Variants in CCSER1 observed in about 807,000 individuals in gnomAD.
The protein encoded by CCSER1 is serine-rich coiled-coil domain-containing protein 1.
CCSER1 carries 41 observed loss-of-function variants against 82.0 expected under a neutral mutation model. The observed-to-expected ratio is 0.50, with a 90% CI of 0.39 to 0.65. The LOEUF (loss-of-function observed/expected upper bound fraction) is 0.65. Among genes scored for constraint, CCSER1 ranks in the 30% least tolerant of loss-of-function variants. The pLI is 0.00. For missense variants in CCSER1, 1,119 were observed against 1,064.2 expected (o/e 1.05, Z -0.72); for synonymous variants, 414 against 383.9 (o/e 1.08, Z -0.92).
At chr4:90,543,150 T>C (rs532168735) in intron 5 of CCSER1, among the ~76,000 whole-genome samples, 8 of 152,290 alleles carry the variant, frequency 5.3e-5, no homozygotes, top group African/African-American at 1.9e-4. Context: ...CATACTGTTG[T>C]ATCATTTGTT....
intron 5 of CCSER1, among the ~76,000 whole-genome samples, chr4:90,490,004 C>A (rs1352798736): frequency 1.3e-5 from 2 of 152,104 alleles, no homozygotes; most frequent in African/African-American, 4.8e-5. Context: ...GTCTTTATAG[C>A]AGCTTGATTT....
chr4:91,420,007 G>A (rs1043858558), intron 10 of CCSER1, among the ~76,000 whole-genome samples: 3 of 151,996 alleles, frequency 2.0e-5, no homozygotes, highest in Non-Finnish European at 4.4e-5. Flanking sequence ...ATGCAAAAGA[G>A]TGAAACTGGA....
intron 10 of CCSER1, among the ~76,000 whole-genome samples, chr4:91,374,049 T>C (rs74969296): frequency 0.025 from 3,817 of 152,218 alleles, 64 homozygotes; most frequent in Non-Finnish European, 0.04. Flanking sequence ...AGAGAAAAGT[T>C]TGAAGCTAGC....
At chr4:91,449,583 C>T (rs1370940351) in intron 10 of CCSER1, among the ~76,000 whole-genome samples, 1 of 152,006 alleles carries the variant, frequency 6.6e-6, no homozygotes, top group African/African-American at 2.4e-5. Context: ...CATGGAAATT[C>T]TGCAGACAGC....
intron 10 of CCSER1, among the ~76,000 whole-genome samples, chr4:91,363,669 A>G (rs1291816914): frequency 1.3e-5 from 2 of 151,754 alleles, no homozygotes; most frequent in African/African-American, 4.8e-5. Flanking sequence ...TTTGGTGAAC[A>G]AGTCTTGAAA....
rs374566610 is a variant in CCSER1 at position 90,332,426 on chromosome 4, G to T, written c.1509+19379G>T. ...TAACTTTGTATTTTTAGTAGAGACG[G>T]GGTTTCACTATGTTGGTCAGGCTGG... On this transcript the variant is annotated intron_variant, in intron 3 of 10. Transcript: ENST00000509176. 2.2e-4 allele frequency among the ~76,000 whole-genome samples: 34 copies of T among 152,086 alleles called. No individual in the cohort carries two copies. In the South Asian group the frequency reaches 6.9e-3, roughly 31 times the overall value.
intron 10 of CCSER1, among the ~76,000 whole-genome samples, chr4:91,110,969 A>G (rs1205664799): frequency 6.6e-6 from 1 of 152,010 alleles, no homozygotes; most frequent in African/African-American, 2.4e-5. Flanking sequence ...AAATATATAG[A>G]TGATGATAAT....
chr4:91,079,643 G>C (rs942563954), intron 9 of CCSER1, among the ~76,000 whole-genome samples: 1 of 152,100 alleles, frequency 6.6e-6, no homozygotes, highest in South Asian at 2.1e-4. Context: ...ATACAGTCAG[G>C]ACCCATCAGT....
chr4:91,442,603 A>G (rs1223269227), intron 10 of CCSER1, among the ~76,000 whole-genome samples: 1 of 138,438 alleles, frequency 7.2e-6, no homozygotes. Context: ...AATGGCAACA[A>G]AAGCCAAAAT....
At chr4:90,445,106 T>C (rs1353557995) in intron 4 of CCSER1, among the ~76,000 whole-genome samples, 1 of 151,686 alleles carries the variant, frequency 6.6e-6, no homozygotes, top group Non-Finnish European at 1.5e-5. Context: ...AAGACTTGGG[T>C]TCCTTGCCTT....
intron 1 of CCSER1, among the ~76,000 whole-genome samples, chr4:90,276,247 T>TTCCC: frequency 1.0e-5 from 1 of 99,436 alleles, no homozygotes; most frequent in African/African-American, 4.1e-5. Flanking sequence ...TCTTTCTTTC[T>TTCCC]TTCTTTCCTT....
intron 5 of CCSER1, among the ~76,000 whole-genome samples, chr4:90,512,000 A>G (rs1371511623): frequency 1.3e-5 from 2 of 152,130 alleles, no homozygotes; most frequent in Non-Finnish European, 2.9e-5. Context: ...AGGATGAGAT[A>G]AGAGGTACTG....
At chr4:90,276,251 T>TTTCTTTCCTTCCTTCC (rs1727659770) in intron 1 of CCSER1, among the ~76,000 whole-genome samples, 12 of 76,824 alleles carry the variant, frequency 1.6e-4, no homozygotes, top group East Asian at 4.0e-4. Context: ...TCTTTCTTTC[T>TTTCTTTCCTTCCTTCC]TTCCTTCCTT....
At chr4:90,708,661 C>G (rs569401900) in intron 6 of CCSER1, among the ~76,000 whole-genome samples, 168 of 152,208 alleles carry the variant, frequency 1.1e-3, no homozygotes, top group African/African-American at 4.0e-3. Context: ...GAGAAGCCCT[C>G]CTTGTTCTAT....
intron 9 of CCSER1, among the ~76,000 whole-genome samples, chr4:91,049,109 G>A (rs1335381897): frequency 2.6e-5 from 4 of 152,126 alleles, no homozygotes; most frequent in Admixed American, 6.6e-5. Flanking sequence ...TTAACTAGGG[G>A]TGACTGTAAT....
chr4:91,468,783 A>G (rs1287251543), intron 10 of CCSER1, among the ~76,000 whole-genome samples: 1 of 152,096 alleles, frequency 6.6e-6, no homozygotes, highest in Non-Finnish European at 1.5e-5. Flanking sequence ...GAGAGGTGCA[A>G]TAATGCTCTG....
chr4:90,217,669 T>C (rs1463816176), intron 1 of CCSER1, among the ~76,000 whole-genome samples: 3 of 152,210 alleles, frequency 2.0e-5, no homozygotes, highest in Admixed American at 6.5e-5. Context: ...TTTTGTCTTG[T>C]TCTGGTTCTC....
intron 10 of CCSER1, among the ~76,000 whole-genome samples, chr4:91,149,912 T>C (rs1194290954): frequency 6.6e-6 from 1 of 152,198 alleles, no homozygotes; most frequent in East Asian, 1.9e-4. Flanking sequence ...TCAGGTAGCA[T>C]GATGCCTCCA....
At chr4:90,836,008 AG>A (rs749163015) in intron 8 of CCSER1, among the ~76,000 whole-genome samples, 6 of 152,206 alleles carry the variant, frequency 3.9e-5, no homozygotes, top group Non-Finnish European at 7.3e-5. Context: ...AGTTTATGTC[AG>A]GATTTAGGGA....
Sources: allele counts gnomAD v4.1 joint callset (sites outside exome capture counted in the v4.1 genomes callset), GRCh38; gene constraint gnomAD v4.1.1; transcripts MANE v1.5; gene names NCBI Gene and HGNC (gene_info 2026-07-23, HGNC 2026-07-21).